The following BZW2 variants were observed in gnomAD, a reference collection of about 807,000 sequenced individuals.
BZW2 encodes basic leucine zipper and W2 domains 2.
BZW2 carries 23 observed loss-of-function variants against 53.2 expected under a neutral mutation model. The observed-to-expected ratio is 0.43, with a 90% CI of 0.31 to 0.61. The LOEUF (loss-of-function observed/expected upper bound fraction) is 0.61. Ranked by LOEUF, BZW2 falls within the 20% of genes least tolerant of loss-of-function variation. The pLI is 0.09. For synonymous variants in BZW2, 227 were observed against 186.4 expected (o/e 1.22, Z -1.77); for missense variants, 409 against 503.1 (o/e 0.81, Z 1.79).
intron 1 of BZW2, among the ~76,000 whole-genome samples, chr7:16,662,799 A>G (rs1434003414): frequency 6.6e-6 from 1 of 152,106 alleles, no homozygotes; most frequent in Non-Finnish European, 1.5e-5. Context: ...GGAGAGAGAA[A>G]GAAAAAGAAA....
chr7:16,686,834 A>C (rs1783142399), intron 6 of BZW2: 1 of 152,194 alleles, frequency 6.6e-6, no homozygotes, highest in Non-Finnish European at 1.5e-5. Context: ...ATTGAGAGTC[A>C]ATTGGTCTTA....
chr7:16,705,600 G>T (rs1411808890), intron 11 of BZW2, among the ~76,000 whole-genome samples: 1 of 148,302 alleles, frequency 6.7e-6, no homozygotes, highest in African/African-American at 2.5e-5. Flanking sequence ...CAGGAGAATG[G>T]CATGAACACA....
chr7:16,652,284 T>G (rs1782002181), intron 1 of BZW2, among the ~76,000 whole-genome samples: 1 of 152,162 alleles, frequency 6.6e-6, no homozygotes, highest in African/African-American at 2.4e-5. Flanking sequence ...TATTAAAACG[T>G]TAATAAACAC....
chr7:16,668,685 G>A (rs960272775), intron 2 of BZW2, among the ~76,000 whole-genome samples: 2 of 152,182 alleles, frequency 1.3e-5, no homozygotes, highest in Non-Finnish European at 2.9e-5. Flanking sequence ...CTGAAGATAG[G>A]TCTTCACTTT....
intron 1 of BZW2, among the ~76,000 whole-genome samples, chr7:16,654,618 T>G (rs1196370963): frequency 2.7e-5 from 4 of 149,548 alleles, no homozygotes; most frequent in African/African-American, 9.8e-5. Flanking sequence ...CACTGCAACC[T>G]CTGCCTCCAG....
At chr7:16,682,477 T>C (rs548164698) in intron 4 of BZW2, among the ~76,000 whole-genome samples, 1 of 152,238 alleles carries the variant, frequency 6.6e-6, no homozygotes, top group Non-Finnish European at 1.5e-5. Flanking sequence ...ATTTCCGTGA[T>C]TTTTAGTCTC....
chr7:16,677,468 T>C (rs904519324), intron 3 of BZW2, among the ~76,000 whole-genome samples: 2 of 152,160 alleles, frequency 1.3e-5, no homozygotes, highest in African/African-American at 4.8e-5. Flanking sequence ...TTCTTCCTGC[T>C]GAATTGAGGT....
intron 5 of BZW2, among the ~76,000 whole-genome samples, chr7:16,683,558 AG>A (rs1368983671): frequency 6.6e-6 from 1 of 152,262 alleles, no homozygotes; most frequent in Non-Finnish European, 1.5e-5. Context: ...AGTTTAGCAA[AG>A]GGAATAAAAG....
At chr7:16,692,989 G>A (rs1342727306) in intron 7 of BZW2, among the ~76,000 whole-genome samples, 5 of 152,200 alleles carry the variant, frequency 3.3e-5, no homozygotes, top group Non-Finnish European at 7.3e-5. Context: ...CGCAAGGGGA[G>A]AGCAGGTGAG....
intron 11 of BZW2, 137 bp from the exon 12 acceptor site, chr7:16,705,923 A>G (rs2128372986): frequency 1.0e-6 from 1 of 953,076 alleles, no homozygotes. Context: ...TCATGTGACT[A>G]TTTTACCTTA....
intron 1 of BZW2, among the ~76,000 whole-genome samples, chr7:16,646,668 A>G (rs901500218): frequency 6.6e-6 from 1 of 152,056 alleles, no homozygotes; most frequent in Admixed American, 6.5e-5. Flanking sequence ...GGTCGCAAGG[A>G]CAGCGCCCCA....
intron 2 of BZW2, among the ~76,000 whole-genome samples, chr7:16,667,418 A>T (rs1433760152): frequency 1.3e-5 from 2 of 152,232 alleles, no homozygotes; most frequent in Non-Finnish European, 2.9e-5. Flanking sequence ...AGTATGTATA[A>T]AGGTAAAAGA....
chr7:16,703,594 G>A (rs182084819), intron 10 of BZW2, among the ~76,000 whole-genome samples: 5 of 152,200 alleles, frequency 3.3e-5, no homozygotes, highest in Non-Finnish European at 5.9e-5. Flanking sequence ...ACATCTCGGG[G>A]ACAATAATAA....
chr7:16,664,600 A>T (rs951544778), intron 1 of BZW2, among the ~76,000 whole-genome samples: 1 of 152,238 alleles, frequency 6.6e-6, no homozygotes, highest in Non-Finnish European at 1.5e-5. Context: ...TACCGTCAGA[A>T]AGGTAGCCAG....
chr7:16,689,975 G>A, intron 7 of BZW2, 69 bp downstream of exon 7: 1 of 1,166,472 alleles, frequency 8.6e-7, no homozygotes, highest in Non-Finnish European at 1.2e-6. Context: ...TGCCTGCAAT[G>A]TAGTATATGA....
At chr7:16,700,404 A>G (rs1341716824) in intron 10 of BZW2, among the ~76,000 whole-genome samples, 3 of 152,164 alleles carry the variant, frequency 2.0e-5, no homozygotes, top group Non-Finnish European at 4.4e-5. Flanking sequence ...ACCAGGAGAC[A>G]TGTATTTGAT....
chr7:16,698,272 A>C, intron 10 of BZW2, 86 bp downstream of exon 10: 12 of 1,536,840 alleles, frequency 7.8e-6, no homozygotes, highest in African/African-American at 1.4e-5. Context: ...AGAGGAGGTC[A>C]TGGGGCTCTG....
rs1393661455 is a variant in BZW2, at chr7:16,680,169, A to G, written c.236-1132A>G. On this transcript the variant is annotated intron_variant, in intron 3 of 11. Transcript: ENST00000258761. The stretch of plus-strand genomic sequence containing the variant: ...GTAATAGCTACCCAAGTAGAAGGCA[A>G]AAAGATTCTATGAGTCAGATCTGGT... Among the ~76,000 whole-genome samples the G allele has an allele frequency of 3.3e-5, 5 of 152,142 alleles. No homozygotes were observed. In the South Asian group the frequency reaches 1.0e-3, roughly 32 times the overall value.
In BZW2 at chr7:16,696,950, T is replaced by C; in HGVS notation, c.858T>C (p.Asn286=). 1.2e-6 allele frequency: 2 copies of C among 1,614,134 alleles called. No individual in the cohort carries two copies. The highest frequency in any genetic ancestry group is 1.7e-6 in the Non-Finnish European group (2 of 1,179,984). ...ATGTCAAAGAAGAAATGAAGAGGAA[T>C]GATCTTCCAGAAACAGCAGTGATTG... ...VLYVKEEMKR[N]DLPETAVIGL... is the part of the protein sequence containing the mutation. Residue 286 remains asparagine, a synonymous_variant, in exon 9 of 12, where the codon AAT becomes AAC. Transcript: ENST00000258761.
Sources: gnomAD v4.1 joint callset for allele counts (sites outside exome capture counted in the v4.1 genomes callset) on GRCh38, gnomAD v4.1.1 for gene constraint, MANE v1.5 for transcripts, NCBI Gene and HGNC (gene_info 2026-07-23, HGNC 2026-07-21) for gene names.